The following RSU1 variants were observed in gnomAD, a reference collection of about 807,000 sequenced individuals.
RSU1 encodes Ras suppressor protein 1, also known as rsu-1.
In RSU1, 26 loss-of-function variants were observed where a neutral mutation model predicts 31.1. That is an observed-to-expected ratio of 0.84 (90% CI 0.61 to 1.16). The LOEUF is 1.16. Ranked by LOEUF, RSU1 falls within the 50% of genes most tolerant of loss-of-function variation. The probability of loss-of-function intolerance (pLI) is 0.00; values close to 1 mark genes in which losing one functional copy is unlikely to be tolerated. For missense variants in RSU1, 320 were observed against 339.1 expected, an observed-to-expected ratio of 0.94 and a Z score of 0.44; for synonymous variants, 164 against 136.3, an observed-to-expected ratio of 1.20 and a Z score of -1.41.
intron 8 of RSU1, among the ~76,000 whole-genome samples, chr10:16,661,495 G>A (rs1834890708): frequency 1.3e-5 from 2 of 152,048 alleles, no homozygotes; most frequent in African/African-American, 4.8e-5. Context: ...TCCATGACCT[G>A]GCAAGTAGCG....
intron 2 of RSU1, among the ~76,000 whole-genome samples, chr10:16,798,226 A>T (rs971246734): frequency 3.9e-5 from 6 of 152,198 alleles, no homozygotes; most frequent in African/African-American, 1.4e-4. Flanking sequence ...GGGCAAAAAA[A>T]TCAACATACA....
chr10:16,778,018 C>CTT (rs10685188), intron 3 of RSU1, among the ~76,000 whole-genome samples: 4,010 of 117,584 alleles, frequency 0.034, 264 homozygotes, highest in African/African-American at 0.11. Context: ...GGTCATATAC[C>CTT]TTTTTTTTTT....
intron 7 of RSU1, among the ~76,000 whole-genome samples, chr10:16,744,812 C>G (rs535324143): frequency 6.6e-6 from 1 of 152,320 alleles, no homozygotes; most frequent in African/African-American, 2.4e-5. Flanking sequence ...ACTCTTCTTG[C>G]TATGTCTTTT....
intron 2 of RSU1, among the ~76,000 whole-genome samples, chr10:16,791,761 A>T (rs1276763158): frequency 6.6e-6 from 1 of 152,188 alleles, no homozygotes; most frequent in Non-Finnish European, 1.5e-5. Flanking sequence ...CTTCTTCAGG[A>T]TAAAGTAGAC....
In RSU1 at chr10:16,671,593, C is replaced by A. The variant is rs188855979; in HGVS notation, c.731+23430G>T. Among the ~76,000 whole-genome samples the A allele has an allele frequency of 1.5e-3, 226 of 152,084 alleles. 2 individuals are homozygous for A. The highest frequency in any genetic ancestry group is 5.2e-3 in the African/African-American group (214 of 41,486). ...CTTCCCAAGTAACTGGGACTACATGCGCATACCACCACACCTGACTCAAAG... is the reference window on the plus strand; with the variant it reads ...CTTCCCAAGTAACTGGGACTACATGAGCATACCACCACACCTGACTCAAAG... On this transcript the variant is annotated intron_variant, in intron 8 of 8. Transcript: ENST00000345264.
chr10:16,632,780 A>G (rs1834276351), intron 8 of RSU1, among the ~76,000 whole-genome samples: 1 of 152,084 alleles, frequency 6.6e-6, no homozygotes, highest in East Asian at 1.9e-4. Context: ...CTCTACCAAG[A>G]ATACAAAAAA....
intron 2 of RSU1, among the ~76,000 whole-genome samples, chr10:16,799,114 G>A (rs1029378732): frequency 6.6e-6 from 1 of 152,216 alleles, no homozygotes; most frequent in Non-Finnish European, 1.5e-5. Flanking sequence ...GGCTAAAGGA[G>A]AGACTGTATC....
At position 16,725,369 on chromosome 10, in the gene RSU1, G is replaced by C. The variant is rs557375963; in HGVS notation, c.598+27170C>G. On this transcript the variant is annotated intron_variant, in intron 7 of 8. Transcript: ENST00000345264. Reference sequence around the variant, plus strand: ...ATTCCAGTAAAAGAAAAGGTGACTCGAGATTTTTATACCTAGACGAATTAT... The same window carrying C: ...ATTCCAGTAAAAGAAAAGGTGACTCCAGATTTTTATACCTAGACGAATTAT... 5.9e-5 allele frequency among the ~76,000 whole-genome samples: 9 copies of C among 152,176 alleles called. No homozygotes were observed. The East Asian group carries it at 1.7e-3, about 29-fold the overall frequency.
At chr10:16,631,261 T>C (rs1834241576) in intron 8 of RSU1, among the ~76,000 whole-genome samples, 1 of 152,198 alleles carries the variant, frequency 6.6e-6, no homozygotes, top group Admixed American at 6.5e-5. Flanking sequence ...GGGGGGACGG[T>C]TCCGAGCGTG....
intron 7 of RSU1, among the ~76,000 whole-genome samples, chr10:16,724,488 G>A (rs1056405755): frequency 2.0e-4 from 31 of 152,058 alleles, no homozygotes; most frequent in Admixed American, 1.0e-3. Flanking sequence ...ATTTTTCTCC[G>A]TCCTAAAAGA....
At chr10:16,784,464 G>A (rs1837727648) in intron 2 of RSU1, among the ~76,000 whole-genome samples, 2 of 152,142 alleles carry the variant, frequency 1.3e-5, no homozygotes, top group African/African-American at 4.8e-5. Context: ...AAGCACAGAA[G>A]CATCTGATTC....
chr10:16,764,350 C>T, intron 4 of RSU1, 40 bp downstream of exon 4: 1 of 1,578,212 alleles, frequency 6.3e-7, no homozygotes, highest in South Asian at 1.2e-5. Flanking sequence ...GCCCCTTCCA[C>T]TCTCTTCCTC....
At position 16,666,657 on chromosome 10, in the gene RSU1, G is replaced by A. The variant is rs1834994509; in HGVS notation, c.731+28366C>T. The stretch of plus-strand genomic sequence containing the variant: ...CCTAACTGCCCCTGGGAAATCTCTA[G>A]GTGGGCTCACAGCCACCTTAAACTC... On this transcript the variant is annotated intron_variant, in intron 8 of 8. Transcript: ENST00000345264. Among the ~76,000 whole-genome samples the A allele has an allele frequency of 2.0e-5, 3 of 152,190 alleles. No individual in the cohort carries two copies. The South Asian group carries it at 6.2e-4, about 32-fold the overall frequency.
Position 16,607,819 on chromosome 10 carries a change from A to C in RSU1, c.732-14323T>G, listed in dbSNP as rs564761504. 3.9e-5 allele frequency among the ~76,000 whole-genome samples: 6 copies of C among 152,280 alleles called. No homozygotes were observed. In the East Asian group the frequency reaches 9.7e-4, roughly 25 times the overall value. On this transcript the variant is annotated intron_variant, in intron 8 of 8. Coordinates refer to ENST00000345264, the MANE Select transcript of RSU1 (RefSeq NM_012425.4). ...AAACTCTACAGGGCTTGTACCTCTA[A>C]GATTCCTTCTGTGCTCTGGTTAGAT... is the stretch of plus-strand genomic sequence containing the variant.
At chr10:16,786,497 A>C (rs1167033038) in intron 2 of RSU1, among the ~76,000 whole-genome samples, 1 of 151,998 alleles carries the variant, frequency 6.6e-6, no homozygotes, top group Non-Finnish European at 1.5e-5. Flanking sequence ...TTTTGTGGGA[A>C]ATAATATTTA....
chr10:16,728,115 T>A (rs1836434327), intron 7 of RSU1, among the ~76,000 whole-genome samples: 1 of 152,164 alleles, frequency 6.6e-6, no homozygotes, highest in South Asian at 2.1e-4. Context: ...TTTGGGTGGT[T>A]GACATTTTAG....
intron 8 of RSU1, among the ~76,000 whole-genome samples, chr10:16,629,403 C>T (rs1157044441): frequency 6.6e-6 from 1 of 152,118 alleles, no homozygotes; most frequent in African/African-American, 2.4e-5. Flanking sequence ...TTCTGCAGAA[C>T]TAGGACAGGC....
chr10:16,734,850 G>A (rs765751127), intron 7 of RSU1, among the ~76,000 whole-genome samples: 1 of 152,132 alleles, frequency 6.6e-6, no homozygotes, highest in Non-Finnish European at 1.5e-5. Flanking sequence ...AGATGATTTA[G>A]TTAAAATGAG....
At chr10:16,659,988 C>G (rs976002535) in intron 8 of RSU1, among the ~76,000 whole-genome samples, 1 of 152,188 alleles carries the variant, frequency 6.6e-6, no homozygotes, top group South Asian at 2.1e-4. Flanking sequence ...GACTCACAAA[C>G]TTTTGCATAT....
Sources: gnomAD v4.1 joint callset for allele counts (sites outside exome capture counted in the v4.1 genomes callset) on GRCh38, gnomAD v4.1.1 for gene constraint, MANE v1.5 for transcripts, NCBI Gene and HGNC (gene_info 2026-07-23, HGNC 2026-07-21) for gene names.